The following PCDHA5 variants were observed in gnomAD, a reference collection of about 807,000 sequenced individuals.
PCDHA5 encodes protocadherin alpha-5.
PCDHA5 carries 43 observed loss-of-function variants against 61.6 expected under a neutral mutation model. That is an observed-to-expected ratio of 0.70 (90% CI 0.55 to 0.90). The LOEUF (loss-of-function observed/expected upper bound fraction) is 0.90. Ranked by LOEUF, PCDHA5 falls within the 40% of genes least tolerant of loss-of-function variation. The pLI is 0.00. For missense variants in PCDHA5, 1,298 were observed against 1,222.7 expected (o/e 1.06, Z -0.92); for synonymous variants, 627 against 543.9 (o/e 1.15, Z -2.13).
intron 1 of PCDHA5, among the ~76,000 whole-genome samples, chr5:140,913,742 T>C (rs2153527691): frequency 6.6e-6 from 1 of 152,276 alleles, no homozygotes; most frequent in Non-Finnish European, 1.5e-5. Flanking sequence ...ATAGTACTCC[T>C]TTTGTTGTAT....
chr5:140,883,352 G>T (rs1554177776), intron 1 of PCDHA5: 1 of 1,614,164 alleles, frequency 6.2e-7, no homozygotes, highest in South Asian at 1.1e-5. Flanking sequence ...CATCAGAGAA[G>T]ACACTCAGCC....
chr5:140,836,089 G>A, intron 1 of PCDHA5: 1 of 1,613,682 alleles, frequency 6.2e-7, no homozygotes, highest in Non-Finnish European at 8.5e-7. Flanking sequence ...CTGGCGCCTC[G>A]GGTGGGTGGC....
intron 1 of PCDHA5, chr5:140,928,743 G>C: frequency 6.2e-7 from 1 of 1,614,138 alleles, no homozygotes; most frequent in Non-Finnish European, 8.5e-7. Context: ...ATATAGGTGA[G>C]CTCCGTACTG....
chr5:140,882,580 C>G (rs371338305), intron 1 of PCDHA5: 3 of 1,614,244 alleles, frequency 1.9e-6, no homozygotes, highest in East Asian at 4.5e-5. Flanking sequence ...AGTGCAGCAT[C>G]CACCTGGAGG....
chr5:140,944,582 C>T (rs1273246926), intron 1 of PCDHA5, among the ~76,000 whole-genome samples: 1 of 152,146 alleles, frequency 6.6e-6, no homozygotes, highest in Non-Finnish European at 1.5e-5. Flanking sequence ...GAGATCACTT[C>T]AGAATTTCCC....
chr5:140,936,987 T>A (rs996790487), intron 1 of PCDHA5, among the ~76,000 whole-genome samples: 1 of 152,170 alleles, frequency 6.6e-6, no homozygotes, highest in Non-Finnish European at 1.5e-5. Flanking sequence ...CTTGTTAACA[T>A]TGACAATATT....
chr5:140,883,397 C>A, intron 1 of PCDHA5: 1 of 1,614,170 alleles, frequency 6.2e-7, no homozygotes. Flanking sequence ...TGTGTCCGAT[C>A]GTGACTCTGG....
At chr5:141,000,899 C>T (rs1013993633) in intron 3 of PCDHA5, among the ~76,000 whole-genome samples, 18 of 151,966 alleles carry the variant, frequency 1.2e-4, no homozygotes, top group African/African-American at 2.7e-4. Flanking sequence ...CAGATATAGA[C>T]GCTGTCTCTA....
intron 1 of PCDHA5, chr5:140,883,267 T>C: frequency 6.2e-7 from 1 of 1,614,048 alleles, no homozygotes. Flanking sequence ...TGGCGGGTCA[T>C]TGTACCCTTT....
intron 3 of PCDHA5, among the ~76,000 whole-genome samples, chr5:140,995,361 G>C (rs567350687): frequency 1.1e-3 from 168 of 152,090 alleles, no homozygotes; most frequent in African/African-American, 3.4e-3. Flanking sequence ...TCGGACAGAG[G>C]GATGATTCAC....
intron 2 of PCDHA5, 35 bp downstream of exon 2, chr5:140,979,042 C>T (rs782163702): frequency 6.2e-7 from 1 of 1,612,562 alleles, no homozygotes; most frequent in African/African-American, 1.3e-5. Context: ...TCAGAAGTAA[C>T]CTTAACTTGG....
chr5:140,969,254 A>G (rs781854163), intron 1 of PCDHA5: 2 of 1,614,242 alleles, frequency 1.2e-6, no homozygotes, highest in Non-Finnish European at 1.7e-6. Context: ...GACTGACAGC[A>G]GGAATCTCAC....
chr5:140,867,634 A>G (rs2050082134), intron 1 of PCDHA5: 1 of 152,166 alleles, frequency 6.6e-6, no homozygotes, highest in Admixed American at 6.5e-5. Flanking sequence ...TATTTAAGCT[A>G]GAGTGATATT....
In PCDHA5 at chr5:140,823,463, C is replaced by A. The variant is rs2150126030; in HGVS notation, c.1688C>A (p.Ala563Glu). Reference protein sequence around the residue: ...FVLDENDNAPALLVPRVGGTG... With the variant: ...FVLDENDNAPELLVPRVGGTG... ...CTGGACGAGAACGACAACGCGCCGG[C>A]GCTGCTGGTGCCTCGAGTGGGTGGC... The change falls in exon 1 of 4, where the codon GCG (alanine) becomes GAG (glutamate). Residue 563 changes from alanine (A) to glutamate (E), a missense_variant. By Grantham distance (107) the Ala-to-Glu change is moderately radical. Coordinates refer to ENST00000529859, the MANE Select transcript of PCDHA5 (RefSeq NM_018908.3). 1 of 1,613,428 alleles carries A rather than the reference C, an allele frequency of 6.2e-7. No homozygotes were observed. Among genetic ancestry groups the A allele is most frequent in the Admixed American group, 1.7e-5 (1 of 59,998 alleles).
chr5:140,986,793 G>A lies in PCDHA5; in HGVS notation c.2500+4230G>A, dbSNP rs945707149. 6.6e-5 allele frequency among the ~76,000 whole-genome samples: 10 copies of A among 152,312 alleles called. No homozygotes were observed. In the East Asian group the frequency reaches 1.7e-3, roughly 26 times the overall value. ...TTAGGTAGCGGAAGCCACTAAGGCA[G>A]TGAGTCTTAGTTAGAGAACTTTGGT... On this transcript the variant is annotated intron_variant, in intron 3 of 3. Coordinates refer to ENST00000529859, the MANE Select transcript of PCDHA5 (RefSeq NM_018908.3).
At chr5:140,872,812 C>G (rs1233699706) in intron 1 of PCDHA5, among the ~76,000 whole-genome samples, 2 of 152,144 alleles carry the variant, frequency 1.3e-5, no homozygotes, top group African/African-American at 4.8e-5. Context: ...ATAAGTTTTT[C>G]AGATTCATCT....
chr5:140,855,736 A>T (rs1422055740), intron 1 of PCDHA5: 3 of 305,736 alleles, frequency 9.8e-6, no homozygotes, highest in African/African-American at 6.5e-5. Context: ...CTATAAAGAG[A>T]CGTAATGTGA....
chr5:140,842,127 C>T (rs2150329918), intron 1 of PCDHA5: 1 of 1,613,572 alleles, frequency 6.2e-7, no homozygotes, highest in Non-Finnish European at 8.5e-7. Flanking sequence ...GCTTCTGATC[C>T]GGATGAAGGA....
chr5:140,931,659 G>A (rs1554208521), intron 1 of PCDHA5, among the ~76,000 whole-genome samples: 1 of 151,694 alleles, frequency 6.6e-6, no homozygotes, highest in Non-Finnish European at 1.5e-5. Flanking sequence ...GTTGTGGGCT[G>A]GATATTTCCT....
Sources: gnomAD v4.1 joint callset for allele counts (sites outside exome capture counted in the v4.1 genomes callset) on GRCh38, gnomAD v4.1.1 for gene constraint, MANE v1.5 for transcripts, NCBI Gene and HGNC (gene_info 2026-07-23, HGNC 2026-07-21) for gene names.